The following DICER1 variants were observed in gnomAD, a reference collection of about 807,000 sequenced individuals.
DICER1 encodes endoribonuclease Dicer.
Under a neutral mutation model 194.1 loss-of-function variants are expected in DICER1, and 43 were observed. The ratio of observed to expected loss-of-function variants is 0.22; its 90% CI spans 0.17 to 0.29. The LOEUF (loss-of-function observed/expected upper bound fraction) is 0.29. Among genes scored for constraint, DICER1 ranks in the 10% least tolerant of loss-of-function variants. The pLI, the probability that DICER1 is intolerant of heterozygous loss-of-function variation, is 1.00. For missense variants in DICER1, 1,608 were observed against 2,317.0 expected, an observed-to-expected ratio of 0.69 and a Z score of 6.28; for synonymous variants, 832 against 820.5, an observed-to-expected ratio of 1.01 and a Z score of -0.24.
chr14:95,091,005 T>C (rs2139772183), intron 26 of DICER1, 29 bp downstream of exon 26: 1 of 1,590,458 alleles, frequency 6.3e-7, no homozygotes, highest in Middle Eastern at 2.1e-4. Flanking sequence ...TTTAAGTTAA[T>C]GTTTTTTCCA....
At chr14:95,114,291 TA>T (rs2140099588) in intron 11 of DICER1, among the ~76,000 whole-genome samples, 1 of 152,268 alleles carries the variant, frequency 6.6e-6, no homozygotes. Flanking sequence ...AGTGAGATGT[TA>T]AAAAGACAAA....
In DICER1 at chr14:95,096,106, G is replaced by C. The variant is rs939314926; in HGVS notation, c.4814C>G (p.Pro1605Arg). ...KRTDREKALC[P>R]TRENFNSQQK... ...TTGGCTGTTGAAATTCTCCCGAGTA[G>C]GGCACAGGGCCTTTTCCCGATCAGT... The change falls in exon 23 of 27, where the codon CCT (proline) becomes CGT (arginine). Residue 1605 changes from proline to arginine, a missense_variant. Transcript: ENST00000343455. The C allele has an allele frequency of 6.2e-7, 1 of 1,614,186 alleles. No individual in the cohort carries two copies. The highest frequency in any genetic ancestry group is 8.5e-7 in the Non-Finnish European group (1 of 1,180,032).
chr14:95,095,808 G>A lies in DICER1; in HGVS notation c.5095+17C>T. On this transcript the variant is annotated intron_variant, in intron 23 of 26. Coordinates refer to ENST00000343455, the MANE Select transcript of DICER1 (RefSeq NM_177438.3). Reference sequence around the variant, plus strand: ...TCTCATTTTCCCAGAAATGAAGTCTGGTCGTGGGCTCCTTACCAGTGATAG... The same window carrying A: ...TCTCATTTTCCCAGAAATGAAGTCTAGTCGTGGGCTCCTTACCAGTGATAG... 6.2e-7 allele frequency: 1 copy of A among 1,613,546 alleles called. No individual in the cohort carries two copies. The highest frequency in any genetic ancestry group is 8.5e-7 in the Non-Finnish European group (1 of 1,179,708).
At chr14:95,126,132 G>C (rs1217229809) in intron 7 of DICER1, among the ~76,000 whole-genome samples, 1 of 152,188 alleles carries the variant, frequency 6.6e-6, no homozygotes, top group Non-Finnish European at 1.5e-5. Flanking sequence ...AGATGCTGCT[G>C]ATGATGATGT....
intron 1 of DICER1, among the ~76,000 whole-genome samples, chr14:95,152,871 TAC>T (rs1365555564): frequency 1.4e-4 from 21 of 152,206 alleles, no homozygotes; most frequent in Non-Finnish European, 2.5e-4. Context: ...TCATCAAGTA[TAC>T]ACCACGATAC....
intron 7 of DICER1, among the ~76,000 whole-genome samples, chr14:95,126,145 G>A (rs891154265): frequency 6.6e-6 from 1 of 152,090 alleles, no homozygotes. Flanking sequence ...GATGATGTGG[G>A]GCCCACAATG....
Position 95,124,587 on chromosome 14 carries a change from G to A in DICER1, c.985C>T (p.Leu329=). 6.2e-7 allele frequency: 1 copy of A among 1,613,740 alleles called. No homozygotes were observed. The highest frequency in any genetic ancestry group is 8.5e-7 in the Non-Finnish European group (1 of 1,180,026). Residue 329 remains leucine (L), a synonymous_variant, in exon 8 of 27, where the codon CTA becomes TTA. Coordinates refer to ENST00000343455, the MANE Select transcript of DICER1 (RefSeq NM_177438.3). This position sits in a 1 kb window ranked among gnomAD's most constrained non-coding sequence, Gnocchi z 4.5. ...DKVAGMMVRE[L]QKYIKHEQEE... is the part of the protein sequence containing the mutation. ...TGCTCATGTTTGATGTATTTCTGTA[G>A]TTCTCTTACCATCATTCCAGCTACT...
At chr14:95,115,628 C>T (rs1238166579) in intron 11 of DICER1, 39 bp downstream of exon 11, 12 of 1,611,536 alleles carry the variant, frequency 7.4e-6, no homozygotes, top group Non-Finnish European at 1.0e-5. Flanking sequence ...AACTGTGCAA[C>T]ATTCCCAGGT....
In DICER1 at chr14:95,129,651, C is replaced by G; in HGVS notation, c.574-19G>C. On this transcript the variant is annotated intron_variant, in intron 5 of 26. Transcript: ENST00000343455. Reference sequence around the variant, plus strand: ...CACAGAGCTAACATAATAAAAGATACTGACAGTAAAGACTTCATTTTGCAA... The same window carrying G: ...CACAGAGCTAACATAATAAAAGATAGTGACAGTAAAGACTTCATTTTGCAA... 6.2e-7 allele frequency: 1 copy of G among 1,606,520 alleles called. No homozygotes were observed. The highest frequency in any genetic ancestry group is 8.5e-7 in the Non-Finnish European group (1 of 1,178,920).
chr14:95,129,690 G>C, intron 5 of DICER1, 58 bp from the exon 6 acceptor site: 1 of 1,486,834 alleles, frequency 6.7e-7, no homozygotes, highest in South Asian at 1.1e-5. Flanking sequence ...TATAACAAGA[G>C]AGACATCGCC....
intron 6 of DICER1, among the ~76,000 whole-genome samples, chr14:95,127,439 G>C (rs1477475768): frequency 6.6e-6 from 1 of 152,170 alleles, no homozygotes; most frequent in African/African-American, 2.4e-5. Context: ...ATATTTTTCA[G>C]ATTTTGGAAT....
At chr14:95,121,315 AAAAAAT>A (rs1892921723) in intron 8 of DICER1, among the ~76,000 whole-genome samples, 1 of 152,230 alleles carries the variant, frequency 6.6e-6, no homozygotes, top group Admixed American at 6.5e-5. Flanking sequence ...AGTGGTTAGA[AAAAAAT>A]AAAAATAAAT....
chr14:95,149,959 G>C (rs970261399), intron 1 of DICER1, among the ~76,000 whole-genome samples: 2 of 152,174 alleles, frequency 1.3e-5, no homozygotes, highest in Non-Finnish European at 2.9e-5. Flanking sequence ...AGCTAGAGAG[G>C]TATCAGTTAG....
chr14:95,106,572 C>A (rs1280832753), intron 17 of DICER1, among the ~76,000 whole-genome samples: 1 of 151,664 alleles, frequency 6.6e-6, no homozygotes, highest in South Asian at 2.1e-4. Context: ...ATTACTAATG[C>A]TAAACATTAA....
intron 1 of DICER1, among the ~76,000 whole-genome samples, chr14:95,150,223 C>T (rs1895425330): frequency 6.6e-6 from 1 of 152,324 alleles, no homozygotes; most frequent in African/African-American, 2.4e-5. Flanking sequence ...GTGGCTCATG[C>T]CTGCAATCCC....
chr14:95,150,726 G>C (rs1263390482), intron 1 of DICER1, among the ~76,000 whole-genome samples: 1 of 152,154 alleles, frequency 6.6e-6, no homozygotes, highest in African/African-American at 2.4e-5. Context: ...ATGAAAACTA[G>C]TATTTTTATT....
At position 95,124,770 on chromosome 14, in the gene DICER1, T is replaced by A; in HGVS notation, c.904-102A>T. The A allele has an allele frequency of 1.0e-6, 1 of 998,518 alleles. No individual in the cohort carries two copies. The highest frequency in any genetic ancestry group is 1.5e-6 in the Non-Finnish European group (1 of 652,860). The allele number at this position is 998,518 out of a possible 1,614,324, so 61.9% of individuals were successfully genotyped here. A position where few individuals can be genotyped will look rare whatever the true frequency, so the allele number is the denominator to read the frequency against. ...TTTCAGTTGTTCTCAAATGGCTCCT[T>A]AAATGTAACCCAGCCTTAGGTTAAG... On this transcript the variant is annotated intron_variant, in intron 7 of 26. Coordinates refer to ENST00000343455, the MANE Select transcript of DICER1 (RefSeq NM_177438.3). This position sits in a 1 kb window ranked among gnomAD's most constrained non-coding sequence, Gnocchi z 4.5.
chr14:95,119,799 T>C (rs12897280), intron 8 of DICER1, among the ~76,000 whole-genome samples: 19,634 of 152,246 alleles, frequency 0.13, 1,269 homozygotes, highest in South Asian at 0.16. Context: ...TTAAAAAGTA[T>C]TAAAATTCAA....
Position 95,107,667 on chromosome 14 carries a change from T to C in DICER1, c.2745A>G (p.Thr915=), listed in dbSNP as rs1595378980. The stretch of plus-strand genomic sequence containing the variant: ...ATTTAAAAACAAAGGGTGTTTCTTT[T>C]GTATACTTTGTACTGGGAATGCCTA... The part of the protein sequence containing the change: ...ARIGIPSTKY[T]KETPFVFKLE... The change falls in exon 17 of 27, where the codon ACA becomes ACG. Residue 915 remains threonine (T), a synonymous_variant. Coordinates refer to ENST00000343455, the MANE Select transcript of DICER1 (RefSeq NM_177438.3). The C allele has an allele frequency of 1.2e-6, 2 of 1,613,586 alleles. No individual in the cohort carries two copies. Among genetic ancestry groups the C allele is most frequent in the Middle Eastern group, 1.6e-4 (1 of 6,062 alleles).
Sources: allele counts gnomAD v4.1 joint callset (sites outside exome capture counted in the v4.1 genomes callset), GRCh38; gene constraint gnomAD v4.1.1; non-coding constraint Gnocchi (gnomAD v3.1); transcripts MANE v1.5; gene names NCBI Gene and HGNC (gene_info 2026-07-23, HGNC 2026-07-21).